LCA5L: variants seen among roughly 807,000 people sequenced by gnomAD.
The protein encoded by LCA5L is lebercilin-like protein.
In LCA5L, 35 loss-of-function variants were observed where a neutral mutation model predicts 45.4. The observed-to-expected ratio is 0.77, with a 90% CI of 0.59 to 1.02. The LOEUF (loss-of-function observed/expected upper bound fraction) is 1.02, where lower values mean the gene tolerates loss of function less well. LCA5L is among the 50% of genes least tolerant of loss of function. LCA5L has a pLI of 0.00. For missense variants in LCA5L, 668 were observed against 761.6 expected (o/e 0.88, Z 1.45); for synonymous variants, 233 against 264.7 (o/e 0.88, Z 1.16).
intron 2 of LCA5L, among the ~76,000 whole-genome samples, chr21:39,437,966 A>G (rs1018674276): frequency 1.3e-5 from 2 of 152,240 alleles, no homozygotes; most frequent in African/African-American, 4.8e-5. Context: ...TTTAATCTAC[A>G]TGATCAATGT....
rs1601723297 is a variant in LCA5L, at chr21:39,412,346, T to G, written c.976-544A>C. On this transcript the variant is annotated intron_variant, in intron 7 of 10. Transcript: ENST00000288350. ...AAGCCTAGAACAAGGGTATCATTGT[T>G]CCATTTTAAATTTCATATTGATTTT... 2.0e-5 allele frequency among the ~76,000 whole-genome samples: 3 copies of G among 152,196 alleles called. No individual in the cohort carries two copies. The East Asian group carries it at 5.8e-4, about 29-fold the overall frequency.
chr21:39,428,740 G>A (rs1196613883), intron 4 of LCA5L, among the ~76,000 whole-genome samples: 2 of 148,450 alleles, frequency 1.3e-5, no homozygotes, highest in Admixed American at 6.9e-5. Flanking sequence ...AGCCTCTGGA[G>A]TAGCTGGGAC....
chr21:39,439,327 C>A (rs1466814255), intron 2 of LCA5L, among the ~76,000 whole-genome samples: 1 of 152,178 alleles, frequency 6.6e-6, no homozygotes, highest in Admixed American at 6.5e-5. Flanking sequence ...CTAACTTTAG[C>A]CCCTTAAGAC....
At chr21:39,427,047 C>T (rs2074847581) in intron 5 of LCA5L, among the ~76,000 whole-genome samples, 1 of 152,158 alleles carries the variant, frequency 6.6e-6, no homozygotes, top group Non-Finnish European at 1.5e-5. Context: ...TCTGGGTGTT[C>T]CAGAAGTGGC....
rs767052502 is a variant in LCA5L at position 39,406,030 on chromosome 21, G to T, written c.1865C>A (p.Ser622Ter). 1 of 1,614,206 alleles carries T rather than the reference G, an allele frequency of 6.2e-7. No homozygotes were observed. The highest frequency in any genetic ancestry group is 1.7e-5 in the Admixed American group (1 of 60,028). ...DQSSPGVAKG[S>*]EEPLQSKESH... The stretch of plus-strand genomic sequence containing the variant: ...CTCCTTACTTTGCAAAGGCTCCTCT[G>T]AGCCTTTTGCAACACCAGGACTTGA... Residue 622 changes from serine to a stop codon, truncating the protein, a stop_gained, in exon 11 of 11, where the codon TCA becomes TAA. Coordinates refer to ENST00000288350, the MANE Select transcript of LCA5L (RefSeq NM_152505.4). LOFTEE classifies it low-confidence loss of function (END_TRUNC).
chr21:39,410,322 A>G lies in LCA5L; in HGVS notation c.1106T>C (p.Phe369Ser). 6.2e-7 allele frequency: 1 copy of G among 1,611,230 alleles called. No homozygotes were observed. Among genetic ancestry groups the G allele is most frequent in the Non-Finnish European group, 8.5e-7 (1 of 1,179,080 alleles). The change falls in exon 9 of 11, where the codon TTC becomes TCC. Residue 369 changes from phenylalanine (F) to serine (S), a missense_variant. Phe to Ser is a radical substitution (Grantham distance 155, BLOSUM62 -2). Transcript: ENST00000288350. Reference sequence around the variant, plus strand: ...GGTTCCCTGGTGTCTCATACTTGTGAATGGCAAAATTTTTCTGTCTGCTTG... The same window carrying G: ...GGTTCCCTGGTGTCTCATACTTGTGGATGGCAAAATTTTTCTGTCTGCTTG... ...SVQADRKILP[F>S]TSMRHQGTQK...
chr21:39,421,100 C>CTTTTTTTTTT (rs1569094460), intron 6 of LCA5L, among the ~76,000 whole-genome samples: 1 of 147,238 alleles, frequency 6.8e-6, no homozygotes, highest in African/African-American at 2.5e-5. Context: ...TTTAACAATT[C>CTTTTTTTTTT]GTTTTTTTTT....
chr21:39,443,932 G>A (rs1438458890), intron 2 of LCA5L: 2 of 151,834 alleles, frequency 1.3e-5, no homozygotes, highest in African/African-American at 2.4e-5. Context: ...TACTCAGGCC[G>A]AGGCAGGAGA....
At chr21:39,433,927 C>CTTTTTT in intron 3 of LCA5L, among the ~76,000 whole-genome samples, 1 of 95,824 alleles carries the variant, frequency 1.0e-5, no homozygotes, top group Non-Finnish European at 2.0e-5. Context: ...CCACATCCAG[C>CTTTTTT]TTTTTTTTTT....
chr21:39,411,294 G>A, intron 8 of LCA5L: 1 of 208,764 alleles, frequency 4.8e-6, no homozygotes, highest in South Asian at 7.9e-5. Flanking sequence ...TGGGGTGGTG[G>A]CTCCATCGGT....
chr21:39,411,716 A>T lies in LCA5L; in HGVS notation c.1060+2T>A. On this transcript the variant is annotated splice_donor_variant, in intron 8 of 10. Coordinates refer to ENST00000288350, the MANE Select transcript of LCA5L (RefSeq NM_152505.4). LOFTEE classifies it high-confidence loss of function. Reference sequence around the variant, plus strand: ...TTTTGAGCAAAAGTAATTAAAACATACCTTTTGGATAGTCCTCTGTGTCAT... The same window carrying T: ...TTTTGAGCAAAAGTAATTAAAACATTCCTTTTGGATAGTCCTCTGTGTCAT... 2 of 1,400,510 alleles carry T rather than the reference A, an allele frequency of 1.4e-6. No individual in the cohort carries two copies. Among genetic ancestry groups the T allele is most frequent in the Non-Finnish European group, 2.0e-6 (2 of 1,018,940 alleles). 86.8% of individuals were successfully genotyped at this position (1,400,510 alleles called of 1,614,324 possible).
chr21:39,406,241 T>C lies in LCA5L; in HGVS notation c.1654A>G (p.Ser552Gly). 1.2e-6 allele frequency: 2 copies of C among 1,614,242 alleles called. No homozygotes were observed. Among genetic ancestry groups the C allele is most frequent in the Non-Finnish European group, 1.7e-6 (2 of 1,180,044 alleles). The change falls in exon 11 of 11, where the codon AGT (serine) becomes GGT (glycine). Residue 552 changes from serine (S) to glycine (G), a missense_variant. Ser to Gly is a moderately conservative substitution (Grantham distance 56, BLOSUM62 0). Transcript: ENST00000288350. The part of the protein sequence containing the change: ...GPANAGNMRY[S>G]HSTGKHLSNR... Reference sequence around the variant, plus strand: ...CTGAGATGCTTGCCTGTACTATGACTGTACCTCATGTTGCCGGCATTGGCT... The same window carrying C: ...CTGAGATGCTTGCCTGTACTATGACCGTACCTCATGTTGCCGGCATTGGCT...
intron 10 of LCA5L, among the ~76,000 whole-genome samples, chr21:39,408,138 G>A (rs2039430857): frequency 6.6e-6 from 1 of 152,192 alleles, no homozygotes; most frequent in Non-Finnish European, 1.5e-5. Flanking sequence ...CGGGGCTGCA[G>A]CCAGATCTCC....
chr21:39,428,397 G>T lies in LCA5L; in HGVS notation c.97C>A (p.Pro33Thr). The T allele has an allele frequency of 6.2e-7, 1 of 1,612,536 alleles. No homozygotes were observed. The highest frequency in any genetic ancestry group is 1.1e-5 in the South Asian group (1 of 90,986). The change falls in exon 5 of 11, where the codon CCA becomes ACA. Residue 33 changes from proline to threonine, a missense_variant. Transcript: ENST00000288350. ...TTCCGTGAAAAATCGCCTGTGCCTG[G>T]GCTTCTCTTGCATGCTGCAGACCTC... ...NRRSAACKRSPGTGDFSRNSN... is the reference protein window; with the variant it reads ...NRRSAACKRSTGTGDFSRNSN...
intron 4 of LCA5L, among the ~76,000 whole-genome samples, chr21:39,428,904 A>G (rs2075336647): frequency 6.6e-6 from 1 of 151,762 alleles, no homozygotes; most frequent in Non-Finnish European, 1.5e-5. Flanking sequence ...GTGAGCCACC[A>G]TGCTCAGCCA....
chr21:39,442,788 G>A (rs1468858406), intron 2 of LCA5L, among the ~76,000 whole-genome samples: 1 of 152,160 alleles, frequency 6.6e-6, no homozygotes, highest in Non-Finnish European at 1.5e-5. Context: ...CTAGCTGAAC[G>A]TACGAGTCTA....
At chr21:39,421,178 C>T (rs1000622679) in intron 6 of LCA5L, among the ~76,000 whole-genome samples, 7 of 151,104 alleles carry the variant, frequency 4.6e-5, no homozygotes, top group African/African-American at 7.3e-5. Context: ...TCTCGGCTCA[C>T]TGCAGCCTCC....
rs753220677 is a variant in LCA5L, at chr21:39,428,519, TA to T, written c.-10-17del. The T allele has an allele frequency of 4.5e-6, 6 of 1,345,048 alleles. No homozygotes were observed. The South Asian group carries it at 5.4e-5, about 12-fold the overall frequency. The allele number at this position is 1,345,048 out of a possible 1,614,324, so 83.3% of individuals were successfully genotyped here. On this transcript the variant is annotated splice_polypyrimidine_tract_variant and intron_variant, in intron 4 of 10. Coordinates refer to ENST00000288350, the MANE Select transcript of LCA5L (RefSeq NM_152505.4). Reference sequence around the variant, plus strand: ...AGCAAACAACCTAATAAAAGAAAAGTAAAACCTAATAAAAGTATTTTTGAAT... The same window carrying T: ...AGCAAACAACCTAATAAAAGAAAAGTAAACCTAATAAAAGTATTTTTGAAT...
chr21:39,425,396 C>T (rs1376589916), intron 5 of LCA5L, among the ~76,000 whole-genome samples: 1 of 152,214 alleles, frequency 6.6e-6, no homozygotes, highest in African/African-American at 2.4e-5. Context: ...ATAGATTATA[C>T]AACACAGTAT....
Sources: allele counts gnomAD v4.1 joint callset (sites outside exome capture counted in the v4.1 genomes callset), GRCh38; gene constraint gnomAD v4.1.1; transcripts MANE v1.5; gene names NCBI Gene and HGNC (gene_info 2026-07-23, HGNC 2026-07-21).